The following SNAP47 variants were observed in gnomAD, a reference collection of about 807,000 sequenced individuals.
SNAP47 encodes synaptosomal-associated protein 47.
In SNAP47, 20 loss-of-function variants were observed where a neutral mutation model predicts 31.4. That is an observed-to-expected ratio of 0.64 (90% CI 0.45 to 0.93). SNAP47 has a LOEUF of 0.93. SNAP47 is among the 40% of genes least tolerant of loss of function. The pLI, the probability that SNAP47 is intolerant of heterozygous loss-of-function variation, is 0.00. For synonymous variants in SNAP47, 194 were observed against 213.4 expected, an observed-to-expected ratio of 0.91 and a Z score of 0.79; for missense variants, 492 against 528.5, an observed-to-expected ratio of 0.93 and a Z score of 0.68.
chr1:227,771,840 A>G (rs1663834487), intron 4 of SNAP47, among the ~76,000 whole-genome samples: 1 of 152,110 alleles, frequency 6.6e-6, no homozygotes, highest in South Asian at 2.1e-4. Flanking sequence ...GGGGTCCCAG[A>G]TGCTCACACC....
At chr1:227,757,927 C>A (rs991745232) in intron 2 of SNAP47, among the ~76,000 whole-genome samples, 3 of 152,100 alleles carry the variant, frequency 2.0e-5, no homozygotes, top group African/African-American at 7.3e-5. Context: ...CTTCTCTCCC[C>A]CCAGCATACC....
intron 4 of SNAP47, chr1:227,768,134 C>T: frequency 4.0e-6 from 1 of 249,400 alleles, no homozygotes; most frequent in Non-Finnish European, 6.4e-6. Flanking sequence ...TCAGCACCAT[C>T]CAGTATCCAG....
At position 227,767,800 on chromosome 1, in the gene SNAP47, G is replaced by A. The variant is rs118108974; in HGVS notation, c.1113+717G>A. On this transcript the variant is annotated intron_variant, in intron 4 of 4. Transcript: ENST00000617596. Reference sequence around the variant, plus strand: ...GCATGCATGCAGGTACATGCCTGCTGTGTGTTGCGTGTTCTGTGTGTGCAC... The same window carrying A: ...GCATGCATGCAGGTACATGCCTGCTATGTGTTGCGTGTTCTGTGTGTGCAC... Among the ~76,000 whole-genome samples, 47 of 152,348 alleles carry A rather than the reference G, an allele frequency of 3.1e-4. No homozygotes were observed. The East Asian group carries it at 9.1e-3, about 29-fold the overall frequency.
intron 1 of SNAP47, among the ~76,000 whole-genome samples, chr1:227,736,686 G>GTTTTTTTTTTTTTTTTTTTTTT (rs112159513): frequency 1.8e-5 from 2 of 110,918 alleles, no homozygotes; most frequent in Non-Finnish European, 3.7e-5. Context: ...TTTTGTTTTT[G>GTTTTTTTTTTTTTTTTTTTTTT]TTTTTTTTTT....
chr1:227,735,366 C>T (rs34560898), upstream of SNAP47: 6 of 1,591,332 alleles, frequency 3.8e-6, no homozygotes, highest in African/African-American at 1.4e-5. Context: ...CGCAGGGCGC[C>T]GCGTTTCTGC....
At chr1:227,735,644 G>C in intron 1 of SNAP47, 145 bp downstream of exon 1, 1 of 1,324,076 alleles carries the variant, frequency 7.6e-7, no homozygotes, top group Non-Finnish European at 9.6e-7. Flanking sequence ...GGGCTGCGCT[G>C]GGAGAGGGGC....
chr1:227,734,644 C>A (rs1302526066), upstream of SNAP47: 16 of 1,613,822 alleles, frequency 9.9e-6, no homozygotes, highest in Non-Finnish European at 1.4e-5. Flanking sequence ...GTCCCAAGCC[C>A]CATTACCTGC....
chr1:227,729,581 G>A (rs911521615), intron 1 of SNAP47, among the ~76,000 whole-genome samples: 2 of 152,210 alleles, frequency 1.3e-5, no homozygotes, highest in African/African-American at 2.4e-5. Context: ...TGGGATGTGG[G>A]CTTCAGGGTA....
In SNAP47 at chr1:227,762,435, C is replaced by T. The variant is rs1663121661; in HGVS notation, c.988+2950C>T. Among the ~76,000 whole-genome samples the T allele has an allele frequency of 6.6e-6, 1 of 152,236 alleles. No homozygotes were observed. On this transcript the variant is annotated intron_variant, in intron 3 of 4. Coordinates refer to ENST00000617596, the MANE Select transcript of SNAP47 (RefSeq NM_053052.4). The surrounding 1 kb of genome is among the most constrained non-coding windows in gnomAD (Gnocchi z 4.2). ...TGTGGCTCTGAGGCCTTGCCTCTGC[C>T]TGCCGCCTGCTGCTGTTGTCCATGC... is the stretch of plus-strand genomic sequence containing the variant.
In SNAP47 at chr1:227,759,338, C is replaced by T. The variant is rs143073539; in HGVS notation, c.841C>T (p.Arg281Cys). The T allele has an allele frequency of 8.4e-5, 136 of 1,614,118 alleles. No individual in the cohort carries two copies. The highest frequency in any genetic ancestry group is 9.7e-5 in the Non-Finnish European group (114 of 1,180,056). The part of the protein sequence containing the change: ...RFIGKPDMAY[R>C]LISAKMPEVI... ...TATTGGAAAGCCAGACATGGCCTAT[C>T]GTTTGATATCTGCCAAGATGCCAGA... The change falls in exon 3 of 5, where the codon CGT becomes TGT. Residue 281 changes from arginine (R) to cysteine (C), a missense_variant. Coordinates refer to ENST00000617596, the MANE Select transcript of SNAP47 (RefSeq NM_053052.4).
intron 2 of SNAP47, among the ~76,000 whole-genome samples, chr1:227,748,587 T>C (rs986330634): frequency 6.6e-6 from 1 of 152,244 alleles, no homozygotes; most frequent in African/African-American, 2.4e-5. Flanking sequence ...TGTTTCTGGC[T>C]CCTATGTGGT....
intron 1 of SNAP47, among the ~76,000 whole-genome samples, chr1:227,744,984 A>C (rs1558193157): frequency 6.6e-6 from 1 of 152,036 alleles, no homozygotes; most frequent in Non-Finnish European, 1.5e-5. Context: ...CTGACTCTGC[A>C]CCTGTATTGT....
rs776646959 is a variant in SNAP47, at chr1:227,747,675, T to A, written c.-45-17T>A. 7 of 1,569,776 alleles carry A rather than the reference T, an allele frequency of 4.5e-6. No individual in the cohort carries two copies. Among genetic ancestry groups the A allele is most frequent in the Non-Finnish European group, 6.1e-6 (7 of 1,154,532 alleles). On this transcript the variant is annotated splice_polypyrimidine_tract_variant and intron_variant, in intron 1 of 4. Transcript: ENST00000617596. ...TCCATGGGTGACGGCAGAACGTTAC[T>A]GTCTCTTCTCCTTCAGAGGCAGAAG...
intron 1 of SNAP47, among the ~76,000 whole-genome samples, chr1:227,742,326 C>T (rs1661664063): frequency 6.6e-6 from 1 of 152,152 alleles, no homozygotes; most frequent in African/African-American, 2.4e-5. Context: ...CCTGGACCTC[C>T]CAGGCTCAAG....
chr1:227,748,059 C>T lies in SNAP47; in HGVS notation c.323C>T (p.Ala108Val). The T allele has an allele frequency of 6.2e-7, 1 of 1,614,144 alleles. No homozygotes were observed. The highest frequency in any genetic ancestry group is 8.5e-7 in the Non-Finnish European group (1 of 1,180,004). ...GAGCTGCTGCTGTCTCAGCCTGGAG[C>T]CGTGGCAGACGCATCTGTCCCAAGG... ...WRELLLSQPG[A>V]VADASVPRTR... is the part of the protein sequence containing the mutation. The change falls in exon 2 of 5, where the codon GCC (alanine) becomes GTC (valine). Residue 108 changes from alanine to valine, a missense_variant. Physicochemically the swap from Ala to Val is moderately conservative, Grantham distance 64 (BLOSUM62 0). Coordinates refer to ENST00000617596, the MANE Select transcript of SNAP47 (RefSeq NM_053052.4).
At chr1:227,743,506 G>A (rs1247048024) in intron 1 of SNAP47, among the ~76,000 whole-genome samples, 2 of 152,234 alleles carry the variant, frequency 1.3e-5, no homozygotes, top group African/African-American at 4.8e-5. Context: ...GCTGGCCTCG[G>A]CCCCTTGCTG....
intron 4 of SNAP47, among the ~76,000 whole-genome samples, chr1:227,770,248 G>C (rs76618240): frequency 6.6e-6 from 1 of 152,140 alleles, no homozygotes; most frequent in Non-Finnish European, 1.5e-5. Flanking sequence ...ATTCCATTCA[G>C]AGTCAAAGGG....
In SNAP47 at chr1:227,759,261, T is replaced by C. The variant is rs1489574097; in HGVS notation, c.764T>C (p.Val255Ala). The C allele has an allele frequency of 6.2e-7, 1 of 1,614,212 alleles. No homozygotes were observed. The highest frequency in any genetic ancestry group is 1.7e-5 in the Admixed American group (1 of 60,030). ...LLMHRFERED[V>A]DDIKVHSPYE... ...ATGCACAGGTTTGAAAGAGAAGACGTGGACGACATCAAGGTCCACTCACCT... is the reference window on the plus strand; with the variant it reads ...ATGCACAGGTTTGAAAGAGAAGACGCGGACGACATCAAGGTCCACTCACCT... The change falls in exon 3 of 5, where the codon GTG (valine) becomes GCG (alanine). Residue 255 changes from valine to alanine, a missense_variant. By Grantham distance (64) the Val-to-Ala change is moderately conservative. Coordinates refer to ENST00000617596, the MANE Select transcript of SNAP47 (RefSeq NM_053052.4).
rs149717550 is a variant in SNAP47, at chr1:227,752,725, G to T, written c.497+4492G>T. On this transcript the variant is annotated intron_variant, in intron 2 of 4. Transcript: ENST00000617596. ...TATTAAGGAAGCCAGCAACCTCTGG[G>T]TGGTAGACTTGTTTTCAAAGATCAC... Among the ~76,000 whole-genome samples, 683 of 152,346 alleles carry T rather than the reference G, an allele frequency of 4.5e-3. 2 individuals are homozygous for T. Among genetic ancestry groups the T allele is most frequent in the South Asian group, 0.021 (100 of 4,826 alleles).
Sources: gnomAD v4.1 joint callset for allele counts (sites outside exome capture counted in the v4.1 genomes callset) on GRCh38, gnomAD v4.1.1 for gene constraint, Gnocchi (gnomAD v3.1) non-coding constraint, MANE v1.5 for transcripts, NCBI Gene and HGNC (gene_info 2026-07-23, HGNC 2026-07-21) for gene names.